WDR77: variants seen among roughly 807,000 people sequenced by gnomAD.
WDR77 encodes the protein WD repeat domain 77, also known as methylosome protein WDR77.
A neutral mutation model predicts 44.0 loss-of-function variants in WDR77; 31 were observed. The ratio of observed to expected loss-of-function variants is 0.70; its 90% CI spans 0.53 to 0.95. The LOEUF is 0.95. Among genes scored for constraint, WDR77 ranks in the 40% least tolerant of loss-of-function variants. WDR77 has a pLI of 0.00. For missense variants in WDR77, 390 were observed against 423.9 expected, an observed-to-expected ratio of 0.92 and a Z score of 0.70; for synonymous variants, 186 against 165.7, an observed-to-expected ratio of 1.12 and a Z score of -0.94.
In WDR77 at chr1:111,440,400, G is replaced by A. The variant is rs921123774; in HGVS notation, c.*830C>T. The A allele has an allele frequency of 6.6e-6, 1 of 152,220 alleles. No homozygotes were observed. The highest frequency in any genetic ancestry group is 6.5e-5 in the Admixed American group (1 of 15,284). The allele number at this position is 152,220 out of a possible 1,614,324, so 9.4% of individuals were successfully genotyped here. ...TTCCACATCAAGAGAAAGGGGACCA[G>A]GGCAGAAGATGTCAGGCCCCATGCT... On this transcript the variant is annotated 3_prime_UTR_variant, in exon 10 of 10. Transcript: ENST00000235090.
At position 111,447,556 on chromosome 1, in the gene WDR77, G is replaced by C. The variant is rs772092394; in HGVS notation, c.322C>G (p.Leu108Val). 67 of 1,614,060 alleles carry C rather than the reference G, an allele frequency of 4.2e-5. No individual in the cohort carries two copies. Among genetic ancestry groups the C allele is most frequent in the Admixed American group, 1.2e-4 (7 of 60,008 alleles). Residue 108 changes from leucine (L) to valine (V), a missense_variant, in exon 3 of 10, where the codon CTA becomes GTA. Physicochemically the swap from Leu to Val is conservative, Grantham distance 32. Coordinates refer to ENST00000235090, the MANE Select transcript of WDR77 (RefSeq NM_024102.4). ...ACAATAAGTGTCTCATTCTCATCTA[G>C]TTCCCACAATTCAACAGCACCTGTT... ...SDSGAVELWE[L>V]DENETLIVSK...
intron 4 of WDR77, chr1:111,446,801 T>G (rs191145491): frequency 7.0e-6 from 2 of 287,180 alleles, no homozygotes; most frequent in African/African-American, 4.4e-5. Flanking sequence ...GGAAACTGGC[T>G]GGTCTGAAGG....
chr1:111,443,994 T>C, intron 5 of WDR77, 60 bp downstream of exon 5: 1 of 1,609,772 alleles, frequency 6.2e-7, no homozygotes, highest in Non-Finnish European at 8.5e-7. Context: ...GTCTCCCCAC[T>C]AGAGACTTTG....
At chr1:111,447,186 C>T (rs1028489600) in intron 3 of WDR77, 42 bp from the exon 4 acceptor site, 2 of 1,609,152 alleles carry the variant, frequency 1.2e-6, no homozygotes, top group East Asian at 4.5e-5. Context: ...TTGACCTACA[C>T]TATCAACATA....
intron 4 of WDR77, among the ~76,000 whole-genome samples, chr1:111,445,353 G>A (rs186170697): frequency 3.9e-5 from 6 of 152,268 alleles, no homozygotes; most frequent in African/African-American, 1.2e-4. Flanking sequence ...TTCATAGAAA[G>A]CCAACAGGAT....
In WDR77 at chr1:111,448,814, G is replaced by A. The variant is rs759554412; in HGVS notation, c.116-10C>T. 6.4e-7 allele frequency: 1 copy of A among 1,565,192 alleles called. No homozygotes were observed. The highest frequency in any genetic ancestry group is 1.2e-5 in the South Asian group (1 of 86,462). On this transcript the variant is annotated splice_polypyrimidine_tract_variant and intron_variant, in intron 1 of 9. Transcript: ENST00000235090. ...AGGAGAAGCGCCCCATCTACGGGGG[G>A]TACAAGCTGTCAGCGCGTGAAGGGT...
chr1:111,448,543 C>G, intron 2 of WDR77, 76 bp downstream of exon 2: 2 of 1,583,104 alleles, frequency 1.3e-6, no homozygotes, highest in Non-Finnish European at 1.7e-6. Flanking sequence ...ATATTGAGCT[C>G]AACCCTACGG....
intron 2 of WDR77, 21 bp downstream of exon 2, chr1:111,448,598 G>T: frequency 6.2e-7 from 1 of 1,614,000 alleles, no homozygotes; most frequent in Non-Finnish European, 8.5e-7. Flanking sequence ...GGTGGGGGTG[G>T]ATAATGGGAT....
chr1:111,444,198 ATCAAGGGGCAGGAGGGAGGGAGGGC>A, intron 4 of WDR77, 74 bp from the exon 5 acceptor site: 2 of 1,465,214 alleles, frequency 1.4e-6, no homozygotes, highest in Non-Finnish European at 1.9e-6. Flanking sequence ...CCCAGGAATA[ATCAAGGGGCAGGAGGGAGGGAGGGC>A]TGGTCTCATG....
chr1:111,441,743 G>A lies in WDR77; in HGVS notation c.869+282C>T, dbSNP rs932202406. On this transcript the variant is annotated intron_variant, in intron 9 of 9. Coordinates refer to ENST00000235090, the MANE Select transcript of WDR77 (RefSeq NM_024102.4). The stretch of plus-strand genomic sequence containing the variant: ...TTCATACGCAGTTCTTTATGTGAGA[G>A]GGTAGACTGCCGCCCCCTTGTGGGA... 9.3e-6 allele frequency: 6 copies of A among 648,552 alleles called. No homozygotes were observed. In the African/African-American group the frequency reaches 1.1e-4, roughly 12 times the overall value. 40.2% of individuals were successfully genotyped at this position (648,552 alleles called of 1,614,324 possible).
At position 111,448,198 on chromosome 1, in the gene WDR77, A is replaced by AAT. The variant is rs11427738; in HGVS notation, c.301+420_301+421insAT. Among the ~76,000 whole-genome samples, 1,440 of 150,862 alleles carry AAT rather than the reference A, an allele frequency of 9.5e-3. 35 individuals carry two copies. The highest frequency in any genetic ancestry group is 0.033 in the African/African-American group (1,354 of 41,022). On this transcript the variant is annotated intron_variant, in intron 2 of 9. Transcript: ENST00000235090. Reference sequence around the variant, plus strand: ...AAATTCTGATTTTAAAAAAAAAAAAAGCCAAAGCCTGCATCGCTAAGCCTA... The same window carrying AAT: ...AAATTCTGATTTTAAAAAAAAAAAAAATGCCAAAGCCTGCATCGCTAAGCCTA...
At chr1:111,448,864 C>T in intron 1 of WDR77, 60 bp from the exon 2 acceptor site, 1 of 1,549,306 alleles carries the variant, frequency 6.5e-7, no homozygotes, top group Admixed American at 2.0e-5. Context: ...CCATGGAGAC[C>T]GCACAGAACA....
chr1:111,441,714 G>T, intron 9 of WDR77: 1 of 706,542 alleles, frequency 1.4e-6, no homozygotes, highest in Non-Finnish European at 2.0e-6. Context: ...GTAGCAGGCT[G>T]CATTTCATAC....
chr1:111,443,620 C>T, intron 6 of WDR77: 2 of 980,726 alleles, frequency 2.0e-6, no homozygotes, highest in East Asian at 1.1e-4. Flanking sequence ...ATGACGATAA[C>T]AATTCTGGCC....
rs755607112 is a variant in WDR77 at position 111,447,421 on chromosome 1, G to C, written c.443+14C>G. 4 of 1,614,022 alleles carry C rather than the reference G, an allele frequency of 2.5e-6. No homozygotes were observed. Among genetic ancestry groups the C allele is most frequent in the South Asian group, 1.1e-5 (1 of 91,062 alleles). Reference sequence around the variant, plus strand: ...GGAGGCTTAGAGACAGGAGCAATGAGAACAGGGACCCACCAGATGTCTTTG... The same window carrying C: ...GGAGGCTTAGAGACAGGAGCAATGACAACAGGGACCCACCAGATGTCTTTG... On this transcript the variant is annotated intron_variant, in intron 3 of 9. Coordinates refer to ENST00000235090, the MANE Select transcript of WDR77 (RefSeq NM_024102.4).
chr1:111,447,238 C>G, intron 3 of WDR77, 94 bp from the exon 4 acceptor site: 1 of 1,531,166 alleles, frequency 6.5e-7, no homozygotes. Flanking sequence ...CAACATTCCC[C>G]AAGTCTTTGC....
Position 111,449,074 on chromosome 1 carries a change from C to T in WDR77, c.96G>A (p.Glu32=). Reference sequence around the variant, plus strand: ...GCTCACCGGACCGGTACCGCGCAGCCTCCAACTGCCGTTCCATGCAGGCGG... The same window carrying T: ...GCTCACCGGACCGGTACCGCGCAGCTTCCAACTGCCGTTCCATGCAGGCGG... ...NAPACMERQL[E]AARYRSDGAL... The change falls in exon 1 of 10, where the codon GAG becomes GAA. Residue 32 remains glutamate (E), a synonymous_variant. Coordinates refer to ENST00000235090, the MANE Select transcript of WDR77 (RefSeq NM_024102.4). 1 of 1,600,166 alleles carries T rather than the reference C, an allele frequency of 6.2e-7. No individual in the cohort carries two copies. Among genetic ancestry groups the T allele is most frequent in the Non-Finnish European group, 8.5e-7 (1 of 1,174,982 alleles).
intron 6 of WDR77, 46 bp downstream of exon 6, chr1:111,443,821 T>A: frequency 1.2e-6 from 2 of 1,613,466 alleles, no homozygotes; most frequent in Non-Finnish European, 1.7e-6. Flanking sequence ...GTCTCTTCTA[T>A]CAGGGTTCCA....
intron 7 of WDR77, 52 bp downstream of exon 7, chr1:111,443,271 T>C (rs1053603244): frequency 3.9e-6 from 6 of 1,528,168 alleles, no homozygotes; most frequent in Non-Finnish European, 4.4e-6. Flanking sequence ...GCTCTTTCTT[T>C]TTCCTCCTCC....
Sources: allele counts gnomAD v4.1 joint callset (sites outside exome capture counted in the v4.1 genomes callset), GRCh38; gene constraint gnomAD v4.1.1; transcripts MANE v1.5; gene names NCBI Gene and HGNC (gene_info 2026-07-23, HGNC 2026-07-21).